Variants in DGKI observed in about 807,000 individuals in gnomAD.
DGKI encodes DAG kinase iota.
DGKI carries 55 observed loss-of-function variants against 147.5 expected under a neutral mutation model. The ratio of observed to expected loss-of-function variants is 0.37; its 90% confidence interval spans 0.30 to 0.47. The LOEUF is 0.47. Among genes scored for constraint, DGKI ranks in the 20% least tolerant of loss-of-function variants. The probability of loss-of-function intolerance (pLI) is 1.00; values close to 1 mark genes in which losing one functional copy is unlikely to be tolerated. For synonymous variants in DGKI, 469 were observed against 477.1 expected (o/e 0.98, Z 0.22); for missense variants, 1,007 against 1,323.8 (o/e 0.76, Z 3.71).
chr7:137,712,303 A>G (rs962020283), intron 1 of DGKI, among the ~76,000 whole-genome samples: 13 of 152,166 alleles, frequency 8.5e-5, no homozygotes, highest in African/African-American at 3.1e-4. Context: ...TAATTTCCAA[A>G]TATTTTGTTG....
intron 1 of DGKI, among the ~76,000 whole-genome samples, chr7:137,781,366 A>G (rs1159528799): frequency 6.6e-6 from 1 of 152,238 alleles, no homozygotes; most frequent in East Asian, 1.9e-4. Flanking sequence ...AATACACAAA[A>G]GAACTCCACA....
chr7:137,643,087 C>T (rs563312347), intron 6 of DGKI, among the ~76,000 whole-genome samples: 40 of 151,370 alleles, frequency 2.6e-4, no homozygotes, highest in African/African-American at 6.3e-4. Context: ...GTCAGGAGAT[C>T]GAGACCATCT....
At chr7:137,517,599 G>A (rs1348958818) in intron 21 of DGKI, among the ~76,000 whole-genome samples, 1 of 152,136 alleles carries the variant, frequency 6.6e-6, no homozygotes, top group Non-Finnish European at 1.5e-5. Flanking sequence ...CCATGGTAAT[G>A]TAAAGTGTTT....
intron 5 of DGKI, among the ~76,000 whole-genome samples, chr7:137,647,331 A>G (rs1228884333): frequency 2.6e-5 from 4 of 152,178 alleles, no homozygotes; most frequent in Admixed American, 1.3e-4. Flanking sequence ...CCTCCCTTGC[A>G]TCACCTCAAC....
chr7:137,809,836 C>G (rs1209484364), intron 1 of DGKI, among the ~76,000 whole-genome samples: 1 of 151,386 alleles, frequency 6.6e-6, no homozygotes, highest in Non-Finnish European at 1.5e-5. Flanking sequence ...CTGAGGAGGT[C>G]GAGGCTGCAG....
intron 28 of DGKI, among the ~76,000 whole-genome samples, chr7:137,416,995 A>G (rs1243045839): frequency 6.6e-6 from 1 of 152,224 alleles, no homozygotes; most frequent in Non-Finnish European, 1.5e-5. Context: ...GTCCTTCCCT[A>G]TGAACACTGT....
intron 1 of DGKI, among the ~76,000 whole-genome samples, chr7:137,832,400 C>G (rs1798244283): frequency 6.6e-6 from 1 of 152,250 alleles, no homozygotes; most frequent in Non-Finnish European, 1.5e-5. Flanking sequence ...AACTTTGATG[C>G]TTGACTTCCA....
At chr7:137,710,341 T>G (rs1391474260) in intron 1 of DGKI, among the ~76,000 whole-genome samples, 2 of 152,036 alleles carry the variant, frequency 1.3e-5, no homozygotes, top group East Asian at 1.9e-4. Context: ...GGAAAAAGAT[T>G]TGGAAGTAGG....
intron 1 of DGKI, among the ~76,000 whole-genome samples, chr7:137,744,488 T>C (rs532375874): frequency 6.6e-6 from 1 of 152,220 alleles, no homozygotes; most frequent in East Asian, 1.9e-4. Flanking sequence ...CTGCTACCAA[T>C]CCTACTGATA....
chr7:137,454,210 ACT>A (rs1814092534), intron 27 of DGKI, among the ~76,000 whole-genome samples: 2 of 152,206 alleles, frequency 1.3e-5, no homozygotes, highest in Admixed American at 1.3e-4. Context: ...ATGTATACGT[ACT>A]TCAAAAAATC....
intron 27 of DGKI, among the ~76,000 whole-genome samples, chr7:137,446,535 G>A (rs926956770): frequency 1.3e-5 from 2 of 152,112 alleles, no homozygotes; most frequent in Admixed American, 6.5e-5. Flanking sequence ...AAACCAGCCT[G>A]GCCAACATGG....
chr7:137,535,810 G>A (rs1476211702), intron 20 of DGKI, among the ~76,000 whole-genome samples: 2 of 152,080 alleles, frequency 1.3e-5, no homozygotes, highest in African/African-American at 4.8e-5. Context: ...AGCTCTGGGT[G>A]GACTGTTACT....
intron 1 of DGKI, among the ~76,000 whole-genome samples, chr7:137,715,003 C>T (rs1417489057): frequency 1.3e-5 from 2 of 151,930 alleles, no homozygotes; most frequent in African/African-American, 4.8e-5. Context: ...CCTTCCTAAT[C>T]AGAAAACAGA....
chr7:137,393,147 T>C (rs966212566), intron 32 of DGKI, among the ~76,000 whole-genome samples: 6 of 152,152 alleles, frequency 3.9e-5, no homozygotes, highest in African/African-American at 1.4e-4. Context: ...CAGCAATTTT[T>C]TGCTTTTTGG....
At chr7:137,458,209 C>T (rs1387516462) in intron 27 of DGKI, among the ~76,000 whole-genome samples, 1 of 152,170 alleles carries the variant, frequency 6.6e-6, no homozygotes, top group African/African-American at 2.4e-5. Context: ...AGACCTCACA[C>T]ATTATAGTTA....
chr7:137,545,169 A>G (rs1817823131), intron 20 of DGKI, among the ~76,000 whole-genome samples: 1 of 152,186 alleles, frequency 6.6e-6, no homozygotes, highest in Admixed American at 6.5e-5. Flanking sequence ...ATTATACCAC[A>G]TATGGCCAAA....
chr7:137,422,152 C>A (rs533854860), intron 28 of DGKI, among the ~76,000 whole-genome samples: 1 of 152,276 alleles, frequency 6.6e-6, no homozygotes, highest in African/African-American at 2.4e-5. Context: ...AGTGTTAAAG[C>A]AAACTTCGTG....
chr7:137,690,645 A>G (rs1823571184), intron 1 of DGKI, among the ~76,000 whole-genome samples: 1 of 152,210 alleles, frequency 6.6e-6, no homozygotes, highest in African/African-American at 2.4e-5. Context: ...CACTAATTAG[A>G]TTTTAGATTT....
At chr7:137,730,708 T>A (rs1794852625) in intron 1 of DGKI, among the ~76,000 whole-genome samples, 2 of 152,032 alleles carry the variant, frequency 1.3e-5, no homozygotes, top group Admixed American at 1.3e-4. Context: ...AATGAACACA[T>A]CCATCACCCC....
Sources: allele counts gnomAD v4.1 joint callset (sites outside exome capture counted in the v4.1 genomes callset), GRCh38; gene constraint gnomAD v4.1.1; transcripts MANE v1.5; gene names NCBI Gene and HGNC (gene_info 2026-07-23, HGNC 2026-07-21).